The following ZBTB16 variants were observed in gnomAD, a reference collection of about 807,000 sequenced individuals.
ZBTB16 encodes zinc finger and BTB domain containing 16, also known as zinc finger and BTB domain-containing protein 16.
A neutral mutation model predicts 56.8 loss-of-function variants in ZBTB16; 8 were observed. That is an observed-to-expected ratio of 0.14 (90% CI 0.08 to 0.25). The LOEUF (loss-of-function observed/expected upper bound fraction) is 0.25, where lower values mean the gene tolerates loss of function less well. Ranked by LOEUF, ZBTB16 falls within the 10% of genes least tolerant of loss-of-function variation. The pLI is 1.00. For missense variants in ZBTB16, 625 were observed against 903.0 expected (o/e 0.69, Z 3.95); for synonymous variants, 363 against 368.5 (o/e 0.98, Z 0.17).
At chr11:114,069,605 C>T (rs999908494) in intron 2 of ZBTB16, among the ~76,000 whole-genome samples, 12 of 152,218 alleles carry the variant, frequency 7.9e-5, no homozygotes, top group Admixed American at 2.6e-4. Flanking sequence ...AGAAGGCCAA[C>T]AGGTGTTGAC....
At chr11:114,221,006 G>A (rs1235102120) in intron 4 of ZBTB16, among the ~76,000 whole-genome samples, 2 of 152,212 alleles carry the variant, frequency 1.3e-5, no homozygotes, top group Non-Finnish European at 2.9e-5. Context: ...TAGAATACGT[G>A]TAAGCATCAC....
At chr11:114,135,135 A>G (rs965709142) in intron 2 of ZBTB16, among the ~76,000 whole-genome samples, 1 of 152,224 alleles carries the variant, frequency 6.6e-6, no homozygotes, top group South Asian at 2.1e-4. Context: ...GGGGGGAACT[A>G]TACATTCCAG....
chr11:114,163,439 GC>G (rs1942651146), intron 3 of ZBTB16, among the ~76,000 whole-genome samples: 1 of 151,618 alleles, frequency 6.6e-6, no homozygotes, highest in African/African-American at 2.4e-5. Flanking sequence ...TTGTTTTTTG[GC>G]CAGGGATTTT....
In ZBTB16 at chr11:114,063,634, G is replaced by C. The variant is rs1424060465; in HGVS notation, c.334G>C (p.Glu112Gln). 6.2e-7 allele frequency: 1 copy of C among 1,614,138 alleles called. No individual in the cohort carries two copies. The highest frequency in any genetic ancestry group is 8.5e-7 in the Non-Finnish European group (1 of 1,180,044). ...LLYAAEILEI[E>Q]YLEEQCLKML... Reference sequence around the variant, plus strand: ...GTATGCGGCCGAGATCCTGGAGATCGAGTACCTGGAGGAACAGTGCCTGAA... The same window carrying C: ...GTATGCGGCCGAGATCCTGGAGATCCAGTACCTGGAGGAACAGTGCCTGAA... The change falls in exon 2 of 7, where the codon GAG (glutamate) becomes CAG (glutamine). Residue 112 changes from glutamate (E) to glutamine (Q), a missense_variant. By Grantham distance (29) the Glu-to-Gln change is conservative. Around this residue, in one of 6 missense-constraint regions of ZBTB16, gnomAD observed 54 missense variants for 159.4 expected, o/e 0.34. Coordinates refer to ENST00000335953, the MANE Select transcript of ZBTB16 (RefSeq NM_006006.6). This position sits in a 1 kb window ranked among gnomAD's most constrained non-coding sequence, Gnocchi z 6.5.
Position 114,186,991 on chromosome 11 carries a change from A to C in ZBTB16, c.1406A>C (p.Gln469Pro). 1 of 1,614,068 alleles carries C rather than the reference A, an allele frequency of 6.2e-7. No homozygotes were observed. The highest frequency in any genetic ancestry group is 8.5e-7 in the Non-Finnish European group (1 of 1,180,012). Residue 469 changes from glutamine (Q) to proline (P), a missense_variant, in exon 4 of 7, where the codon CAG (glutamine) becomes CCG (proline). Transcript: ENST00000335953. ...KAFVCDQCGA[Q>P]FSKEDALETH... Reference sequence around the variant, plus strand: ...TTTGTCTGTGATCAGTGCGGTGCACAGTTTTCGAAGGAGGATGCCCTGGAG... The same window carrying C: ...TTTGTCTGTGATCAGTGCGGTGCACCGTTTTCGAAGGAGGATGCCCTGGAG...
At chr11:114,164,776 A>G (rs1486878538) in intron 3 of ZBTB16, among the ~76,000 whole-genome samples, 1 of 151,780 alleles carries the variant, frequency 6.6e-6, no homozygotes, top group African/African-American at 2.4e-5. Flanking sequence ...TGCTTTGGGC[A>G]TCCATCACGC....
chr11:114,101,717 A>G (rs238929), intron 2 of ZBTB16, among the ~76,000 whole-genome samples: 75,640 of 152,088 alleles, frequency 0.5, 21,148 homozygotes, highest in African/African-American at 0.75. Context: ...AAAAATACAC[A>G]TAGATCTCCT....
intron 2 of ZBTB16, among the ~76,000 whole-genome samples, chr11:114,103,211 T>C (rs1171064260): frequency 1.3e-5 from 2 of 152,194 alleles, no homozygotes; most frequent in Non-Finnish European, 2.9e-5. Flanking sequence ...GCCTATGTTA[T>C]AAGTGAGAGA....
intron 4 of ZBTB16, chr11:114,210,013 T>G: frequency 1.0e-6 from 1 of 968,314 alleles, no homozygotes; most frequent in Non-Finnish European, 1.2e-6. Context: ...TTTCAGAAGC[T>G]TGGTTTCCTC....
At chr11:114,218,307 G>T (rs888860643) in intron 4 of ZBTB16, among the ~76,000 whole-genome samples, 2 of 152,122 alleles carry the variant, frequency 1.3e-5, no homozygotes, top group Non-Finnish European at 2.9e-5. Flanking sequence ...TGGTTCTGTC[G>T]CATTGTCTGG....
chr11:114,163,110 A>C (rs1358495781), intron 3 of ZBTB16, among the ~76,000 whole-genome samples: 2 of 152,210 alleles, frequency 1.3e-5, no homozygotes, highest in Non-Finnish European at 2.9e-5. Flanking sequence ...AAAACTGTTT[A>C]ATGCTGTTTA....
At chr11:114,206,369 A>T (rs1943872686) in intron 4 of ZBTB16, among the ~76,000 whole-genome samples, 1 of 152,220 alleles carries the variant, frequency 6.6e-6, no homozygotes, top group Non-Finnish European at 1.5e-5. Context: ...ACTGTGGGCT[A>T]GAACCCAGGA....
chr11:114,088,498 T>TTGTGGGCAGGACCTGGAATCCTATTC (rs1317019009), intron 2 of ZBTB16, among the ~76,000 whole-genome samples: 3 of 152,144 alleles, frequency 2.0e-5, no homozygotes, highest in Admixed American at 1.3e-4. Context: ...CCCCACGTTT[T>TTGTGGGCAGGACCTGGAATCCTATTC]TGTGGGCAGG....
intron 4 of ZBTB16, among the ~76,000 whole-genome samples, chr11:114,233,074 C>CGT (rs1944479772): frequency 2.1e-5 from 1 of 47,306 alleles, no homozygotes; most frequent in African/African-American, 7.0e-5. Context: ...CATGCGCGCG[C>CGT]GCGCGCGCAC....
At chr11:114,148,726 C>T (rs1344504165) in intron 2 of ZBTB16, among the ~76,000 whole-genome samples, 1 of 151,678 alleles carries the variant, frequency 6.6e-6, no homozygotes, top group Non-Finnish European at 1.5e-5. Flanking sequence ...ATCTCCTGAC[C>T]TCGTTATCTG....
chr11:114,211,676 C>T (rs1430012921), intron 4 of ZBTB16, among the ~76,000 whole-genome samples: 2 of 152,220 alleles, frequency 1.3e-5, no homozygotes, highest in South Asian at 4.1e-4. Context: ...TCCTGCTTGT[C>T]CTCTGCCCTC....
At chr11:114,245,552 A>AG (rs1190202189) in intron 5 of ZBTB16, among the ~76,000 whole-genome samples, 4 of 152,112 alleles carry the variant, frequency 2.6e-5, no homozygotes, top group Admixed American at 2.6e-4. Context: ...TAACTTTGGG[A>AG]GGGGGGAGCT....
chr11:114,069,786 GC>G (rs1422276727), intron 2 of ZBTB16, among the ~76,000 whole-genome samples: 1 of 152,194 alleles, frequency 6.6e-6, no homozygotes, highest in Non-Finnish European at 1.5e-5. Context: ...ATCGGTTGCA[GC>G]ATTTTCTTCT....
At chr11:114,122,576 T>A (rs1366406775) in intron 2 of ZBTB16, among the ~76,000 whole-genome samples, 7 of 152,206 alleles carry the variant, frequency 4.6e-5, no homozygotes, top group Admixed American at 1.3e-4. Flanking sequence ...CATGGCCCCA[T>A]CTTTGAAAGG....
Sources: gnomAD v4.1 joint callset for allele counts (sites outside exome capture counted in the v4.1 genomes callset) on GRCh38, gnomAD v4.1.1 for gene constraint, gnomAD v4.1.1 regional missense constraint, Gnocchi (gnomAD v3.1) non-coding constraint, MANE v1.5 for transcripts, NCBI Gene and HGNC (gene_info 2026-07-23, HGNC 2026-07-21) for gene names.